Variants in ANKS1B observed in about 807,000 individuals in gnomAD.
ANKS1B encodes the protein ankyrin repeat and sterile alpha motif domain containing 1B.
In ANKS1B, 36 loss-of-function variants were observed where a neutral mutation model predicts 148.3. The observed-to-expected ratio is 0.24, with a 90% CI of 0.19 to 0.32. The LOEUF (loss-of-function observed/expected upper bound fraction) is 0.32, where lower values mean the gene tolerates loss of function less well. Among genes scored for constraint, ANKS1B ranks in the 10% least tolerant of loss-of-function variants. The probability of loss-of-function intolerance (pLI) is 1.00; values close to 1 mark genes in which losing one functional copy is unlikely to be tolerated. For synonymous variants in ANKS1B, 542 were observed against 560.8 expected, an observed-to-expected ratio of 0.97 and a Z score of 0.47; for missense variants, 1,157 against 1,542.6, an observed-to-expected ratio of 0.75 and a Z score of 4.19.
chr12:99,596,372 T>C (rs1187813202), intron 9 of ANKS1B, among the ~76,000 whole-genome samples: 1 of 151,830 alleles, frequency 6.6e-6, no homozygotes, highest in East Asian at 1.9e-4. Flanking sequence ...ACCTTTTTCC[T>C]GTGTGTCCTG....
intron 1 of ANKS1B, among the ~76,000 whole-genome samples, chr12:99,939,879 A>G (rs954815907): frequency 2.0e-5 from 3 of 152,224 alleles, no homozygotes; most frequent in Non-Finnish European, 2.9e-5. Context: ...TGAAACCAAT[A>G]ACCTAGTTCC....
In ANKS1B at chr12:99,588,413, C is replaced by CTT. The variant is rs57908824; in HGVS notation, c.1272+66652_1272+66653dup. ...TTTGTGTTCAGAGAAAAAATGTAAT[C>CTT]TTTTTTTTTTGTCTTTTTTTTGAGA... is the stretch of plus-strand genomic sequence containing the variant. On this transcript the variant is annotated intron_variant, in intron 9 of 26. Transcript: ENST00000683438. Among the ~76,000 whole-genome samples, 108 of 148,956 alleles carry CTT rather than the reference C, an allele frequency of 7.3e-4. No homozygotes were observed. In the East Asian group the frequency reaches 0.015, roughly 21 times the overall value.
chr12:99,275,639 G>A (rs1350346879), intron 12 of ANKS1B, among the ~76,000 whole-genome samples: 1 of 152,190 alleles, frequency 6.6e-6, no homozygotes, highest in Non-Finnish European at 1.5e-5. Context: ...TGTGAATAGT[G>A]CTGCAACGAA....
At chr12:99,884,083 G>A (rs552639918) in intron 1 of ANKS1B, among the ~76,000 whole-genome samples, 123 of 151,786 alleles carry the variant, frequency 8.1e-4, no homozygotes, top group Middle Eastern at 3.4e-3. Flanking sequence ...AAGTAATTGC[G>A]GTTTTTGTGA....
At position 99,981,386 on chromosome 12, in the gene ANKS1B, A is replaced by G. The variant is rs776550697; in HGVS notation, c.134+2718T>C. Among the ~76,000 whole-genome samples, 4 of 152,206 alleles carry G rather than the reference A, an allele frequency of 2.6e-5. No homozygotes were observed. The East Asian group carries it at 7.7e-4, about 29-fold the overall frequency. ...GTTACTGTTGAAAGGATAATTTCTTATTACCAGTAGATAACAAGTAATCAG... is the reference window on the plus strand; with the variant it reads ...GTTACTGTTGAAAGGATAATTTCTTGTTACCAGTAGATAACAAGTAATCAG... On this transcript the variant is annotated intron_variant, in intron 1 of 26. Transcript: ENST00000683438.
intron 2 of ANKS1B, among the ~76,000 whole-genome samples, chr12:99,819,517 T>C (rs1162470509): frequency 6.6e-6 from 1 of 151,720 alleles, no homozygotes; most frequent in Non-Finnish European, 1.5e-5. Context: ...GATAATGAGA[T>C]CTAGCATGCA....
intron 17 of ANKS1B, among the ~76,000 whole-genome samples, chr12:98,953,484 T>G (rs936938975): frequency 4.0e-5 from 6 of 151,346 alleles, no homozygotes; most frequent in Non-Finnish European, 7.4e-5. Context: ...TGGCTTTGTC[T>G]TATTGATACT....
chr12:99,181,001 CA>C (rs1204821632), intron 14 of ANKS1B, among the ~76,000 whole-genome samples: 3 of 152,184 alleles, frequency 2.0e-5, no homozygotes, highest in African/African-American at 7.2e-5. Flanking sequence ...AGTTTCTCCC[CA>C]GTTTACATCC....
intron 9 of ANKS1B, among the ~76,000 whole-genome samples, chr12:99,599,141 C>G (rs1255906771): frequency 6.6e-6 from 1 of 152,008 alleles, no homozygotes; most frequent in Non-Finnish European, 1.5e-5. Context: ...TAATCCAGGA[C>G]AATCTCCCAT....
At chr12:99,773,502 G>A (rs2063381325) in intron 7 of ANKS1B, among the ~76,000 whole-genome samples, 1 of 151,956 alleles carries the variant, frequency 6.6e-6, no homozygotes, top group Admixed American at 6.6e-5. Context: ...AACAGAAATA[G>A]TACAAGTTAT....
intron 17 of ANKS1B, among the ~76,000 whole-genome samples, chr12:98,935,402 T>C (rs1223533640): frequency 6.6e-6 from 1 of 152,226 alleles, no homozygotes; most frequent in Non-Finnish European, 1.5e-5. Context: ...TTTCTGCATC[T>C]ATGCATATCA....
At chr12:99,482,243 A>C (rs111652325) in intron 10 of ANKS1B, among the ~76,000 whole-genome samples, 18 of 151,930 alleles carry the variant, frequency 1.2e-4, no homozygotes, top group African/African-American at 4.3e-4. Flanking sequence ...ATTCTTCTAC[A>C]TGTGGCTTGC....
At chr12:98,933,298 T>C (rs1003561558) in intron 17 of ANKS1B, among the ~76,000 whole-genome samples, 5 of 152,180 alleles carry the variant, frequency 3.3e-5, no homozygotes, top group African/African-American at 1.2e-4. Context: ...GGTTCATCTG[T>C]GTTGTCACAT....
chr12:98,802,594 C>CTTTTTT lies in ANKS1B; in HGVS notation c.3142-1475_3142-1470dup, dbSNP rs397850118. Among the ~76,000 whole-genome samples, 74 of 34,786 alleles carry CTTTTTT rather than the reference C, an allele frequency of 2.1e-3. 19 individuals carry two copies. Among genetic ancestry groups the CTTTTTT allele is most frequent in the Admixed American group, 5.3e-3 (10 of 1,878 alleles). 22.8% of individuals were successfully genotyped at this position (34,786 alleles called of 152,430 possible). ...CTAGAGGACTTCAGTAATGCACAGG[C>CTTTTTT]TTTTTTTTTTTTTTTTTTTTTTTTT... On this transcript the variant is annotated intron_variant, in intron 20 of 26. Coordinates refer to ENST00000683438, the MANE Select transcript of ANKS1B (RefSeq NM_001352186.2).
chr12:99,806,754 A>C (rs943866120), intron 3 of ANKS1B, 54 bp from the exon 4 acceptor site: 9 of 1,521,812 alleles, frequency 5.9e-6, no homozygotes, highest in Non-Finnish European at 8.1e-6. Flanking sequence ...TTTGTTATCA[A>C]AATCTTAACA....
chr12:99,061,540 A>C (rs1212127811), intron 16 of ANKS1B, among the ~76,000 whole-genome samples: 1 of 152,254 alleles, frequency 6.6e-6, no homozygotes, highest in African/African-American at 2.4e-5. Context: ...GGAGGATGAC[A>C]GAACAACAAA....
rs139040217 is a variant in ANKS1B, at chr12:99,441,045, A to T, written c.1575+2628T>A. On this transcript the variant is annotated intron_variant, in intron 11 of 26. Coordinates refer to ENST00000683438, the MANE Select transcript of ANKS1B (RefSeq NM_001352186.2). ...ATTTTCAAAGTTCAACACAAGTTTTAAAAGTGAAATTATCATTTCAATCAT... is the reference window on the plus strand; with the variant it reads ...ATTTTCAAAGTTCAACACAAGTTTTTAAAGTGAAATTATCATTTCAATCAT... Among the ~76,000 whole-genome samples, 68 of 152,030 alleles carry T rather than the reference A, an allele frequency of 4.5e-4. 1 individual carries two copies. In the East Asian group the frequency reaches 0.011, roughly 25 times the overall value.
chr12:99,154,835 T>C, intron 14 of ANKS1B: 2 of 1,524,816 alleles, frequency 1.3e-6, no homozygotes, highest in Non-Finnish European at 1.8e-6. Flanking sequence ...TCCATGCTCC[T>C]TGCTCCCCCT....
At chr12:99,849,851 A>C (rs937865833) in intron 1 of ANKS1B, among the ~76,000 whole-genome samples, 1 of 152,114 alleles carries the variant, frequency 6.6e-6, no homozygotes, top group Non-Finnish European at 1.5e-5. Flanking sequence ...GGGGTTTCTG[A>C]GATGCTAGCA....
Sources: allele counts gnomAD v4.1 joint callset (sites outside exome capture counted in the v4.1 genomes callset), GRCh38; gene constraint gnomAD v4.1.1; transcripts MANE v1.5; gene names NCBI Gene and HGNC (gene_info 2026-07-23, HGNC 2026-07-21).